NUP133: variants seen among roughly 807,000 people sequenced by gnomAD.
NUP133 encodes the protein nucleoporin 133.
NUP133 carries 66 observed loss-of-function variants against 146.2 expected under a neutral mutation model. That is an observed-to-expected ratio of 0.45 (90% CI 0.37 to 0.55). The LOEUF is 0.55. Among genes scored for constraint, NUP133 ranks in the 20% least tolerant of loss-of-function variants. NUP133 has a pLI of 0.00. For missense variants in NUP133, 1,277 were observed against 1,374.8 expected (o/e 0.93, Z 1.12); for synonymous variants, 521 against 498.8 (o/e 1.04, Z -0.59).
chr1:229,444,076 T>C (rs1660249972), intron 25 of NUP133, among the ~76,000 whole-genome samples: 1 of 152,020 alleles, frequency 6.6e-6, no homozygotes, highest in Non-Finnish European at 1.5e-5. Flanking sequence ...CTCATGCCTG[T>C]AATCCCAGCA....
At chr1:229,486,606 G>A in intron 10 of NUP133, 78 bp from the exon 11 acceptor site, 2 of 1,363,604 alleles carry the variant, frequency 1.5e-6, no homozygotes, top group Non-Finnish European at 1.0e-6. Context: ...ACCCTAAGCA[G>A]AAAATCATCT....
chr1:229,444,896 T>C lies in NUP133; in HGVS notation c.3334+18A>G, dbSNP rs746149613. 54 of 1,531,968 alleles carry C rather than the reference T, an allele frequency of 3.5e-5. No homozygotes were observed. The highest frequency in any genetic ancestry group is 4.6e-5 in the Non-Finnish European group (51 of 1,110,886). The allele number at this position is 1,531,968 out of a possible 1,614,324, so 94.9% of individuals were successfully genotyped here. A position where few individuals can be genotyped will look rare whatever the true frequency, so the allele number is the denominator to read the frequency against. ...AATGACACTGTAATTTCCAACGGTA[T>C]AGTAACAAACCACTTACCATCTTTT... On this transcript the variant is annotated intron_variant, in intron 25 of 25. Coordinates refer to ENST00000261396, the MANE Select transcript of NUP133 (RefSeq NM_018230.3).
At chr1:229,504,854 G>C (rs1173660967) in intron 2 of NUP133, among the ~76,000 whole-genome samples, 1 of 152,150 alleles carries the variant, frequency 6.6e-6, no homozygotes, top group East Asian at 1.9e-4. Context: ...TCTGGGTAAA[G>C]TGATAAAATC....
intron 22 of NUP133, among the ~76,000 whole-genome samples, chr1:229,451,932 T>C (rs1353232375): frequency 6.6e-6 from 1 of 152,218 alleles, no homozygotes; most frequent in African/African-American, 2.4e-5. Flanking sequence ...CAGGAGAGGC[T>C]GTTGTAAATT....
intron 8 of NUP133, among the ~76,000 whole-genome samples, chr1:229,494,286 C>A: frequency 6.6e-6 from 1 of 152,282 alleles, no homozygotes; most frequent in Non-Finnish European, 1.5e-5. Context: ...AGTACTATTA[C>A]TTTTACCTCT....
chr1:229,502,389 C>T (rs541156468), intron 2 of NUP133, among the ~76,000 whole-genome samples: 74 of 151,802 alleles, frequency 4.9e-4, no homozygotes, highest in Middle Eastern at 3.4e-3. Flanking sequence ...GAAACTCCAA[C>T]TCTACTAAAA....
At chr1:229,484,243 T>C (rs978026587) in intron 11 of NUP133, 98 bp from the exon 12 acceptor site, 4 of 751,630 alleles carry the variant, frequency 5.3e-6, no homozygotes, top group African/African-American at 3.5e-5. Context: ...CAACTCCGCA[T>C]ATACACGAGC....
intron 20 of NUP133, 23 bp downstream of exon 20, chr1:229,460,588 C>T (rs1389127255): frequency 6.2e-7 from 1 of 1,606,644 alleles, no homozygotes; most frequent in East Asian, 2.2e-5. Flanking sequence ...CACACATCTG[C>T]TCCATAGAAA....
intron 25 of NUP133, among the ~76,000 whole-genome samples, chr1:229,442,754 G>T (rs1483020564): frequency 6.8e-6 from 1 of 148,072 alleles, no homozygotes; most frequent in Non-Finnish European, 1.5e-5. Flanking sequence ...CACTCTGCTG[G>T]CCAGGCAATG....
Position 229,508,055 on chromosome 1 carries a change from G to T in NUP133, c.182+13C>A, listed in dbSNP as rs766473292. 43 of 1,478,728 alleles carry T rather than the reference G, an allele frequency of 2.9e-5. No homozygotes were observed. The highest frequency in any genetic ancestry group is 4.9e-5 in the Admixed American group (2 of 41,212). 91.6% of individuals were successfully genotyped at this position (1,478,728 alleles called of 1,614,324 possible). On this transcript the variant is annotated intron_variant, in intron 1 of 25. Transcript: ENST00000261396. Reference sequence around the variant, plus strand: ...GCTGTTGGTTGCCAGACCCAACCAGGGAGATCACTTACCGCGAGCTTAGCG... The same window carrying T: ...GCTGTTGGTTGCCAGACCCAACCAGTGAGATCACTTACCGCGAGCTTAGCG...
At chr1:229,501,543 T>C (rs1043756309) in intron 3 of NUP133, among the ~76,000 whole-genome samples, 1 of 152,332 alleles carries the variant, frequency 6.6e-6, no homozygotes, top group East Asian at 1.9e-4. Flanking sequence ...GACATGCAAA[T>C]GATAACCCAC....
chr1:229,454,229 G>T (rs1428026300), intron 21 of NUP133, among the ~76,000 whole-genome samples: 1 of 152,158 alleles, frequency 6.6e-6, no homozygotes, highest in Non-Finnish European at 1.5e-5. Context: ...AACTCTCCAG[G>T]TTGCAGCCCA....
rs1410367141 is a variant in NUP133, at chr1:229,465,505, A to G, written c.2214T>C (p.Ala738=). The change falls in exon 17 of 26, where the codon GCT becomes GCC. Residue 738 remains alanine, a synonymous_variant. Transcript: ENST00000261396. ...TTCTATTTTGGCGATAATGACTAGCAGCCTGCAGCATATCCTGGAAAAAAA... is the reference window on the plus strand; with the variant it reads ...TTCTATTTTGGCGATAATGACTAGCGGCCTGCAGCATATCCTGGAAAAAAA... ...VNNILKDMLQ[A]ASHYRQNRNS... is the part of the protein sequence containing the mutation. 3.1e-6 allele frequency: 5 copies of G among 1,613,454 alleles called. No individual in the cohort carries two copies. Among genetic ancestry groups the G allele is most frequent in the African/African-American group, 1.3e-5 (1 of 74,926 alleles).
At chr1:229,471,502 A>AATG (rs1300451687) in intron 14 of NUP133, among the ~76,000 whole-genome samples, 2 of 151,994 alleles carry the variant, frequency 1.3e-5, no homozygotes, top group African/African-American at 4.8e-5. Context: ...CTCCACCTTC[A>AATG]AGGACTGATT....
intron 19 of NUP133, among the ~76,000 whole-genome samples, chr1:229,463,259 C>T (rs948824635): frequency 1.3e-5 from 2 of 152,146 alleles, no homozygotes; most frequent in South Asian, 2.1e-4. Flanking sequence ...GGCATGGTGG[C>T]GAGCTCCTGT....
chr1:229,476,941 C>A (rs79777978), intron 13 of NUP133, among the ~76,000 whole-genome samples: 11,868 of 130,824 alleles, frequency 0.091, 1,457 homozygotes, highest in African/African-American at 0.28. Context: ...AAAAAAAAAA[C>A]AAAAAAAAAA....
chr1:229,500,891 T>C, intron 3 of NUP133, 28 bp from the exon 4 acceptor site: 4 of 1,434,564 alleles, frequency 2.8e-6, no homozygotes, highest in Non-Finnish European at 3.9e-6. Context: ...ACAGAAAATC[T>C]TTCACATCAA....
At chr1:229,461,452 A>G (rs1218305563) in intron 19 of NUP133, among the ~76,000 whole-genome samples, 2 of 152,232 alleles carry the variant, frequency 1.3e-5, no homozygotes, top group African/African-American at 4.8e-5. Context: ...AATGAAATGA[A>G]TATTACAAGA....
At position 229,450,580 on chromosome 1, in the gene NUP133, C is replaced by T. The variant is rs367549086; in HGVS notation, c.3125G>A (p.Arg1042Lys). 1 of 1,571,948 alleles carries T rather than the reference C, an allele frequency of 6.4e-7. No individual in the cohort carries two copies. The highest frequency in any genetic ancestry group is 8.7e-7 in the Non-Finnish European group (1 of 1,148,194). The change falls in exon 23 of 26, where the codon AGA becomes AAA. Residue 1042 changes from arginine (R) to lysine (K), a missense_variant. Transcript: ENST00000261396. ...IGLYICEENR[R>K]ANEYDFKKAL... is the part of the protein sequence containing the mutation. The stretch of plus-strand genomic sequence containing the variant: ...TTTCTTGAAATCATATTCATTAGCT[C>T]TTCTATTTTCTTCACAGATATATAG...
Sources: gnomAD v4.1 joint callset for allele counts (sites outside exome capture counted in the v4.1 genomes callset) on GRCh38, gnomAD v4.1.1 for gene constraint, MANE v1.5 for transcripts, NCBI Gene and HGNC (gene_info 2026-07-23, HGNC 2026-07-21) for gene names.